The following TP63 variants were observed in gnomAD, a reference collection of about 807,000 sequenced individuals.
The protein encoded by TP63 is tumor protein p63, also known as tumor protein 63.
Under a neutral mutation model 82.8 loss-of-function variants are expected in TP63, and 17 were observed. The ratio of observed to expected loss-of-function variants is 0.21; its 90% confidence interval spans 0.14 to 0.31. The LOEUF (loss-of-function observed/expected upper bound fraction) is 0.31, where lower values mean the gene tolerates loss of function less well. Among genes scored for constraint, TP63 ranks in the 10% least tolerant of loss-of-function variants. The pLI is 1.00. For missense variants in TP63, 648 were observed against 895.3 expected, an observed-to-expected ratio of 0.72 and a Z score of 3.52; for synonymous variants, 330 against 321.7, an observed-to-expected ratio of 1.03 and a Z score of -0.28.
intron 3 of TP63, among the ~76,000 whole-genome samples, chr3:189,806,040 CTTTTTTTTT>C (rs34836784): frequency 9.4e-4 from 49 of 52,078 alleles, no homozygotes; most frequent in African/African-American, 3.8e-3. Context: ...GAAGCAAACA[CTTTTTTTTT>C]TTTTTTTTTT....
intron 13 of TP63, among the ~76,000 whole-genome samples, chr3:189,892,392 T>TA (rs1178759184): frequency 6.6e-6 from 1 of 152,190 alleles, no homozygotes; most frequent in Non-Finnish European, 1.5e-5. Context: ...AGTCATTAGT[T>TA]AAAATCCATC....
chr3:189,657,119 A>G (rs899749565), intron 1 of TP63, among the ~76,000 whole-genome samples: 1 of 152,050 alleles, frequency 6.6e-6, no homozygotes, highest in African/African-American at 2.4e-5. Flanking sequence ...ATTTTGTGAC[A>G]TGCTGTAAAA....
intron 1 of TP63, among the ~76,000 whole-genome samples, chr3:189,660,363 A>G (rs1713765300): frequency 6.6e-6 from 1 of 151,850 alleles, no homozygotes; most frequent in Admixed American, 6.6e-5. Flanking sequence ...CTATAGGTGT[A>G]TGGCTGTCTG....
At chr3:189,690,610 G>A (rs1469361767) in intron 1 of TP63, among the ~76,000 whole-genome samples, 1 of 152,086 alleles carries the variant, frequency 6.6e-6, no homozygotes, top group African/African-American at 2.4e-5. Flanking sequence ...GGTGATACCT[G>A]GCAGCTCAAG....
chr3:189,752,312 T>C (rs966012977), intron 3 of TP63, among the ~76,000 whole-genome samples: 3 of 152,152 alleles, frequency 2.0e-5, no homozygotes, highest in Non-Finnish European at 2.9e-5. Flanking sequence ...TAGCTGGGAT[T>C]ACAGGCATGT....
At chr3:189,848,618 T>C (rs1048097178) in intron 4 of TP63, among the ~76,000 whole-genome samples, 2 of 152,196 alleles carry the variant, frequency 1.3e-5, no homozygotes, top group Non-Finnish European at 2.9e-5. Context: ...ACCAAGCCCT[T>C]GCTTTAAGAT....
intron 1 of TP63, among the ~76,000 whole-genome samples, chr3:189,666,577 T>C (rs547256728): frequency 1.3e-5 from 2 of 152,092 alleles, no homozygotes; most frequent in Admixed American, 6.6e-5. Flanking sequence ...GAGAATGAAA[T>C]AGAGAAGAGA....
the TP63 span, among the ~76,000 whole-genome samples, chr3:189,620,519 A>C: frequency 1.3e-5 from 2 of 148,738 alleles, no homozygotes; most frequent in East Asian, 1.9e-4. Flanking sequence ...AAAAAAAACA[A>C]AAAAAAAAAA....
intron 1 of TP63, among the ~76,000 whole-genome samples, chr3:189,696,524 G>A (rs978717825): frequency 1.3e-5 from 2 of 152,052 alleles, no homozygotes; most frequent in Non-Finnish European, 1.5e-5. Flanking sequence ...GTGTGTTTTT[G>A]CGTAGATGTA....
chr3:189,598,268 G>A, the TP63 span, among the ~76,000 whole-genome samples: 1 of 150,348 alleles, frequency 6.7e-6, no homozygotes, highest in Admixed American at 6.6e-5. Flanking sequence ...GAGAGGAAGG[G>A]AGAGTAGAGG....
chr3:189,741,281 A>G (rs1394721747), intron 3 of TP63, among the ~76,000 whole-genome samples: 1 of 152,090 alleles, frequency 6.6e-6, no homozygotes, highest in South Asian at 2.1e-4. Context: ...CTATTCCAAC[A>G]TTTTTATATT....
At chr3:189,638,773 A>G (rs1465372648) in intron 1 of TP63, among the ~76,000 whole-genome samples, 1 of 152,146 alleles carries the variant, frequency 6.6e-6, no homozygotes, top group Non-Finnish European at 1.5e-5. Flanking sequence ...TGGGTTTGAG[A>G]TTACATCGAT....
intron 4 of TP63, among the ~76,000 whole-genome samples, chr3:189,834,268 T>C (rs941329007): frequency 6.6e-6 from 1 of 152,174 alleles, no homozygotes; most frequent in African/African-American, 2.4e-5. Flanking sequence ...AAAAAGTGTT[T>C]GAAGTAAACA....
chr3:189,706,343 G>C (rs149711739), intron 1 of TP63, among the ~76,000 whole-genome samples: 1,697 of 151,930 alleles, frequency 0.011, 30 homozygotes, highest in African/African-American at 0.039. Flanking sequence ...TGCAACCTCC[G>C]CCTCCTGGGT....
intron 4 of TP63, among the ~76,000 whole-genome samples, chr3:189,838,692 G>C (rs544730235): frequency 2.0e-5 from 3 of 152,062 alleles, no homozygotes; most frequent in East Asian, 1.9e-4. Context: ...AATTATCCAG[G>C]GGTTCCCTTA....
intron 1 of TP63, among the ~76,000 whole-genome samples, chr3:189,646,448 C>T (rs796976176): frequency 3.4e-5 from 5 of 147,614 alleles, no homozygotes; most frequent in African/African-American, 1.3e-4. Flanking sequence ...TTATACTTCA[C>T]ATATGGTATT....
At chr3:189,732,010 C>T (rs1720206104) in intron 1 of TP63, among the ~76,000 whole-genome samples, 1 of 152,262 alleles carries the variant, frequency 6.6e-6, no homozygotes, top group Admixed American at 6.5e-5. Context: ...ATGAAAATCC[C>T]CTAACATAGA....
intron 1 of TP63, among the ~76,000 whole-genome samples, chr3:189,686,685 A>C (rs1716463001): frequency 6.7e-6 from 1 of 149,736 alleles, no homozygotes; most frequent in Non-Finnish European, 1.5e-5. Context: ...CACCAGTAAA[A>C]TAATTCACTG....
rs918146368 is a variant in TP63, at chr3:189,793,573, C to T, written c.325-14699C>T. Among the ~76,000 whole-genome samples the T allele has an allele frequency of 2.0e-5, 3 of 152,080 alleles. No individual in the cohort carries two copies. In the East Asian group the frequency reaches 5.8e-4, roughly 29 times the overall value. On this transcript the variant is annotated intron_variant, in intron 3 of 13. Coordinates refer to ENST00000264731, the MANE Select transcript of TP63 (RefSeq NM_003722.5). The stretch of plus-strand genomic sequence containing the variant: ...AGAAATATGTTACCACAAATACACC[C>T]TGGTTTTCTTTGATGTGCATATGAT...
Sources: gnomAD v4.1 joint callset for allele counts (sites outside exome capture counted in the v4.1 genomes callset) on GRCh38, gnomAD v4.1.1 for gene constraint, MANE v1.5 for transcripts, NCBI Gene and HGNC (gene_info 2026-07-23, HGNC 2026-07-21) for gene names.